The following SPATA17 variants were observed in gnomAD, a reference collection of about 807,000 sequenced individuals.
The protein encoded by SPATA17 is spermatogenesis-associated protein 17.
In SPATA17, 53 loss-of-function variants were observed where a neutral mutation model predicts 62.2. The observed-to-expected ratio is 0.85, with a 90% CI of 0.68 to 1.07. SPATA17 has a LOEUF of 1.07. SPATA17 is among the 50% of genes least tolerant of loss of function. The probability of loss-of-function intolerance (pLI) is 0.00; values close to 1 mark genes in which losing one functional copy is unlikely to be tolerated. For missense variants in SPATA17, 466 were observed against 425.5 expected (o/e 1.10, Z -0.84); for synonymous variants, 146 against 146.8 (o/e 0.99, Z 0.04).
At chr1:217,816,407 A>G (rs1220671673) in intron 9 of SPATA17, among the ~76,000 whole-genome samples, 2 of 151,610 alleles carry the variant, frequency 1.3e-5, no homozygotes, top group African/African-American at 4.8e-5. Flanking sequence ...GAATTTTTCT[A>G]CTAATTCTAG....
intron 9 of SPATA17, among the ~76,000 whole-genome samples, chr1:217,823,005 T>A (rs1482595829): frequency 6.6e-6 from 1 of 151,976 alleles, no homozygotes; most frequent in African/African-American, 2.4e-5. Flanking sequence ...GTTCCCTTCT[T>A]TTTGTTATGT....
chr1:217,810,917 C>T (rs1452512177), intron 9 of SPATA17, among the ~76,000 whole-genome samples: 1 of 152,094 alleles, frequency 6.6e-6, no homozygotes, highest in African/African-American at 2.4e-5. Context: ...CACCTCCTGC[C>T]AGATCCCTCC....
chr1:217,635,596 C>T (rs368475431), intron 1 of SPATA17, among the ~76,000 whole-genome samples: 25 of 151,780 alleles, frequency 1.6e-4, no homozygotes, highest in African/African-American at 5.3e-4. Context: ...CCCAACTACT[C>T]GAGAGGCTGA....
At chr1:217,706,517 G>A (rs897268205) in intron 5 of SPATA17, among the ~76,000 whole-genome samples, 1 of 152,176 alleles carries the variant, frequency 6.6e-6, no homozygotes, top group African/African-American at 2.4e-5. Context: ...TTTATAAATG[G>A]TAGTTTTTTC....
At chr1:217,704,389 T>C (rs1420438515) in intron 5 of SPATA17, among the ~76,000 whole-genome samples, 1 of 150,930 alleles carries the variant, frequency 6.6e-6, no homozygotes, top group Non-Finnish European at 1.5e-5. Context: ...TAGCTGGGAC[T>C]ACAGGCGCCC....
intron 4 of SPATA17, among the ~76,000 whole-genome samples, chr1:217,676,989 G>T (rs1380150993): frequency 6.6e-6 from 1 of 151,994 alleles, no homozygotes; most frequent in Non-Finnish European, 1.5e-5. Flanking sequence ...AATTCCACTG[G>T]AATCTACAGT....
At chr1:217,813,829 T>C (rs1303575717) in intron 9 of SPATA17, among the ~76,000 whole-genome samples, 2 of 152,078 alleles carry the variant, frequency 1.3e-5, no homozygotes. Context: ...TTTATATATG[T>C]ATATGTATAC....
Position 217,631,400 on chromosome 1 carries a change from C to T in SPATA17, c.22C>T (p.Gln8Ter). 6.2e-7 allele frequency: 1 copy of T among 1,614,138 alleles called. No individual in the cohort carries two copies. The highest frequency in any genetic ancestry group is 8.5e-7 in the Non-Finnish European group (1 of 1,180,028). ...GACCATGGCCACGTTAGCCCGGCTG[C>T]AAGCTAGGTCGTCGACTGTAGGAAA... Reference protein sequence around the residue: MATLARLQARSSTVGNQY... With the variant: MATLARL The change falls in exon 1 of 11, where the codon CAA (glutamine) becomes TAA (stop). Residue 8 changes from glutamine (Q) to a stop codon, truncating the protein, a stop_gained. Transcript: ENST00000366933. LOFTEE classifies it high-confidence loss of function.
At chr1:217,727,996 T>C (rs948712459) in intron 5 of SPATA17, among the ~76,000 whole-genome samples, 1 of 152,210 alleles carries the variant, frequency 6.6e-6, no homozygotes, top group African/African-American at 2.4e-5. Flanking sequence ...TAAAATCATC[T>C]TAACATTTTG....
In SPATA17 at chr1:217,870,366, C is replaced by A. The variant is rs1267909933; in HGVS notation, c.*3347C>A. 3 of 152,134 alleles carry A rather than the reference C, an allele frequency of 2.0e-5. No homozygotes were observed. The highest frequency in any genetic ancestry group is 4.4e-5 in the Non-Finnish European group (3 of 68,038). 9.4% of individuals were successfully genotyped at this position (152,134 alleles called of 1,614,324 possible). ...TAAGTAATATCATTGTCCTTAACCA[C>A]CATCTGCCTCTCCCCCCAGACACAC... On this transcript the variant is annotated 3_prime_UTR_variant, in exon 11 of 11. Coordinates refer to ENST00000366933, the MANE Select transcript of SPATA17 (RefSeq NM_138796.4).
intron 3 of SPATA17, chr1:217,665,204 A>G (rs1215876747): frequency 6.6e-6 from 1 of 152,218 alleles, no homozygotes; most frequent in East Asian, 1.9e-4. Context: ...ATCAGTAATC[A>G]TTATCGTACT....
chr1:217,712,362 T>C (rs1671894190), intron 5 of SPATA17, among the ~76,000 whole-genome samples: 1 of 152,010 alleles, frequency 6.6e-6, no homozygotes, highest in Non-Finnish European at 1.5e-5. Context: ...CCAACCTCAG[T>C]TGATCCACCC....
chr1:217,658,481 G>A (rs542829875), intron 3 of SPATA17, among the ~76,000 whole-genome samples: 3 of 152,222 alleles, frequency 2.0e-5, no homozygotes, highest in African/African-American at 7.2e-5. Flanking sequence ...GTCTGGGGCC[G>A]GGTGTGGAGG....
chr1:217,722,638 A>G (rs1571758413), intron 5 of SPATA17, among the ~76,000 whole-genome samples: 1 of 152,206 alleles, frequency 6.6e-6, no homozygotes, highest in South Asian at 2.1e-4. Flanking sequence ...TCTTCAAAGA[A>G]TAAATCTTTT....
At chr1:217,687,083 A>C (rs2102909051) in intron 5 of SPATA17, among the ~76,000 whole-genome samples, 1 of 152,298 alleles carries the variant, frequency 6.6e-6, no homozygotes, top group South Asian at 2.1e-4. Context: ...TTGCTATTGT[A>C]AACATTGTGT....
chr1:217,653,744 T>A (rs1215167834), intron 3 of SPATA17, among the ~76,000 whole-genome samples: 1 of 152,174 alleles, frequency 6.6e-6, no homozygotes, highest in African/African-American at 2.4e-5. Flanking sequence ...AAGAGGAGAT[T>A]TGATTTTTCT....
chr1:217,689,221 C>CTTTTT (rs200885875), intron 5 of SPATA17, among the ~76,000 whole-genome samples: 3,425 of 102,512 alleles, frequency 0.033, 220 homozygotes, highest in Non-Finnish European at 0.046. Context: ...TTTATTATGT[C>CTTTTT]TTTTTTTTTT....
At chr1:217,666,460 A>C (rs1670695978) in intron 3 of SPATA17, among the ~76,000 whole-genome samples, 2 of 152,164 alleles carry the variant, frequency 1.3e-5, no homozygotes, top group South Asian at 4.1e-4. Context: ...AAAATTTTAC[A>C]AAAGTTTGAA....
At chr1:217,768,757 G>A (rs796378114) in intron 6 of SPATA17, among the ~76,000 whole-genome samples, 4 of 151,968 alleles carry the variant, frequency 2.6e-5, no homozygotes, top group African/African-American at 9.6e-5. Flanking sequence ...CTCCCAAAGT[G>A]CTGGGATTAC....
Sources: allele counts gnomAD v4.1 joint callset (sites outside exome capture counted in the v4.1 genomes callset), GRCh38; gene constraint gnomAD v4.1.1; transcripts MANE v1.5; gene names NCBI Gene and HGNC (gene_info 2026-07-23, HGNC 2026-07-21).